The following PTPRN2 variants were observed in gnomAD, a reference collection of about 807,000 sequenced individuals.
PTPRN2 encodes the protein protein tyrosine phosphatase receptor type N2.
Under a neutral mutation model 118.8 loss-of-function variants are expected in PTPRN2, and 74 were observed. That is an observed-to-expected ratio of 0.62 (90% confidence interval 0.52 to 0.76). PTPRN2 has a LOEUF of 0.76. PTPRN2 is among the 30% of genes least tolerant of loss of function. PTPRN2 has a pLI of 0.00. For synonymous variants in PTPRN2, 641 were observed against 608.0 expected (o/e 1.05, Z -0.80); for missense variants, 1,481 against 1,394.4 (o/e 1.06, Z -0.99).
At chr7:158,554,265 AAAC>A (rs142969332) in intron 1 of PTPRN2, among the ~76,000 whole-genome samples, 1,923 of 152,304 alleles carry the variant, frequency 0.013, 46 homozygotes, top group African/African-American at 0.041. Context: ...ACTCCGTCTC[AAAC>A]AACAACAACA....
chr7:157,638,053 C>G (rs930104152), intron 14 of PTPRN2, among the ~76,000 whole-genome samples: 1 of 152,218 alleles, frequency 6.6e-6, no homozygotes, highest in African/African-American at 2.4e-5. Flanking sequence ...TGATGCTTCA[C>G]TTCCTAAAAC....
At chr7:158,188,529 G>GCC (rs1563577506) in intron 5 of PTPRN2, among the ~76,000 whole-genome samples, 2 of 62,288 alleles carry the variant, frequency 3.2e-5, no homozygotes, top group Non-Finnish European at 5.6e-5. Flanking sequence ...CGCCACGCTC[G>GCC]CCGCCTGATG....
chr7:158,168,973 G>A (rs975571169), intron 5 of PTPRN2, among the ~76,000 whole-genome samples: 6 of 152,188 alleles, frequency 3.9e-5, no homozygotes, highest in East Asian at 3.9e-4. Flanking sequence ...CCCTGGAGGC[G>A]TGCATGGGTG....
At chr7:157,948,315 G>A (rs1207005987) in intron 11 of PTPRN2, among the ~76,000 whole-genome samples, 1 of 152,210 alleles carries the variant, frequency 6.6e-6, no homozygotes, top group East Asian at 1.9e-4. Context: ...ATAAAGCTGG[G>A]AAGGAAGCTA....
At chr7:158,054,238 T>C (rs1004090238) in intron 11 of PTPRN2, among the ~76,000 whole-genome samples, 4 of 152,230 alleles carry the variant, frequency 2.6e-5, no homozygotes, top group Non-Finnish European at 4.4e-5. Flanking sequence ...TGGAGTGTGA[T>C]GTGAACACAG....
intron 9 of PTPRN2, among the ~76,000 whole-genome samples, chr7:158,114,753 G>C (rs1479587699): frequency 1.3e-5 from 2 of 152,184 alleles, no homozygotes; most frequent in Non-Finnish European, 2.9e-5. Context: ...TGGGGTAAGG[G>C]AGCCCCAGAA....
intron 3 of PTPRN2, among the ~76,000 whole-genome samples, chr7:158,260,391 A>G (rs1218649992): frequency 1.3e-5 from 2 of 152,244 alleles, no homozygotes; most frequent in African/African-American, 4.8e-5. Context: ...TTTATACACA[A>G]AAGTTTGCTT....
intron 5 of PTPRN2, 70 bp downstream of exon 5, chr7:158,192,257 A>T: frequency 2.9e-6 from 4 of 1,375,516 alleles, no homozygotes; most frequent in East Asian, 2.9e-5. Flanking sequence ...GCGACTAAGG[A>T]AACATGCCCA....
At chr7:158,144,302 G>A (rs1016199952) in intron 6 of PTPRN2, among the ~76,000 whole-genome samples, 8 of 152,284 alleles carry the variant, frequency 5.3e-5, no homozygotes, top group African/African-American at 1.9e-4. Context: ...TCAATTCAGA[G>A]TGGCTACAGT....
intron 11 of PTPRN2, among the ~76,000 whole-genome samples, chr7:157,979,873 C>T (rs1175664954): frequency 6.6e-6 from 1 of 152,194 alleles, no homozygotes; most frequent in Admixed American, 6.5e-5. Context: ...CAACCATACC[C>T]TCATGTGAGT....
At chr7:158,056,198 A>T (rs1809778218) in intron 11 of PTPRN2, among the ~76,000 whole-genome samples, 1 of 152,170 alleles carries the variant, frequency 6.6e-6, no homozygotes, top group South Asian at 2.1e-4. Flanking sequence ...CTCGCCTGAA[A>T]GGTCACCTCT....
chr7:157,791,094 A>G (rs1804461240), intron 12 of PTPRN2, among the ~76,000 whole-genome samples: 1 of 152,264 alleles, frequency 6.6e-6, no homozygotes, highest in Non-Finnish European at 1.5e-5. Context: ...GATAAGAATT[A>G]TAGCATAAGT....
In PTPRN2 at chr7:157,629,709, G is replaced by C. The variant is rs763911381; in HGVS notation, c.2197-8200C>G. The stretch of plus-strand genomic sequence containing the variant: ...ACTTCTTCCCACTGTAGAACAAGGC[G>C]TGTTAAAGAAAGCTGGGCTTTGGGG... On this transcript the variant is annotated intron_variant, in intron 14 of 22. Coordinates refer to ENST00000389418, the MANE Select transcript of PTPRN2 (RefSeq NM_002847.5). This position sits in a 1 kb window ranked among gnomAD's most constrained non-coding sequence, Gnocchi z 4.4. Among the ~76,000 whole-genome samples, 1 of 152,220 alleles carries C rather than the reference G, an allele frequency of 6.6e-6. No individual in the cohort carries two copies. The highest frequency in any genetic ancestry group is 2.4e-5 in the African/African-American group (1 of 41,460).
At chr7:157,825,624 G>A (rs1490737795) in intron 12 of PTPRN2, among the ~76,000 whole-genome samples, 1 of 152,202 alleles carries the variant, frequency 6.6e-6, no homozygotes, top group Non-Finnish European at 1.5e-5. Context: ...TTAAGAGGAC[G>A]AGTGAGCTCT....
Position 158,022,767 on chromosome 7 carries a change from G to A in PTPRN2, c.1723+58531C>T, listed in dbSNP as rs1402416896. Among the ~76,000 whole-genome samples, 2 of 152,276 alleles carry A rather than the reference G, an allele frequency of 1.3e-5. No homozygotes were observed. Among genetic ancestry groups the A allele is most frequent in the Admixed American group, 6.5e-5 (1 of 15,292 alleles). On this transcript the variant is annotated intron_variant, in intron 11 of 22. Transcript: ENST00000389418. The surrounding 1 kb of genome is among the most constrained non-coding windows in gnomAD (Gnocchi z 4.6). ...AAGGCTTTCCCCCACGGAGGCTTCC[G>A]CCATGAGTCTGGAATGCGTTCTGAG...
intron 3 of PTPRN2, among the ~76,000 whole-genome samples, chr7:158,271,779 A>G (rs1481597238): frequency 1.3e-5 from 2 of 152,150 alleles, no homozygotes; most frequent in South Asian, 4.1e-4. Flanking sequence ...ATCTCACAGC[A>G]GAAGGGGTGA....
intron 3 of PTPRN2, among the ~76,000 whole-genome samples, chr7:158,310,614 C>A (rs533025036): frequency 6.6e-6 from 1 of 152,362 alleles, no homozygotes; most frequent in Non-Finnish European, 1.5e-5. Flanking sequence ...GAGGTTCCTC[C>A]ATTGCCCTGC....
At chr7:157,961,913 C>T (rs900504909) in intron 11 of PTPRN2, among the ~76,000 whole-genome samples, 2 of 151,922 alleles carry the variant, frequency 1.3e-5, no homozygotes, top group African/African-American at 2.4e-5. Flanking sequence ...GCGGCCGCAC[C>T]GGGACCCGGG....
intron 2 of PTPRN2, among the ~76,000 whole-genome samples, chr7:158,422,565 G>C (rs1815341961): frequency 6.6e-6 from 1 of 152,264 alleles, no homozygotes; most frequent in Non-Finnish European, 1.5e-5. Context: ...CCACATGAAA[G>C]AGCAAATGCC....
Sources: gnomAD v4.1 joint callset for allele counts (sites outside exome capture counted in the v4.1 genomes callset) on GRCh38, gnomAD v4.1.1 for gene constraint, Gnocchi (gnomAD v3.1) non-coding constraint, MANE v1.5 for transcripts, NCBI Gene and HGNC (gene_info 2026-07-23, HGNC 2026-07-21) for gene names.